NPAS3: variants seen among roughly 807,000 people sequenced by gnomAD.
NPAS3 encodes the protein neuronal PAS domain protein 3, also known as neuronal PAS domain-containing protein 3.
In NPAS3, 14 loss-of-function variants were observed where a neutral mutation model predicts 73.1. That is an observed-to-expected ratio of 0.19 (90% confidence interval 0.13 to 0.30). The LOEUF is 0.30. Among genes scored for constraint, NPAS3 ranks in the 10% least tolerant of loss-of-function variants. The pLI is 1.00. For missense variants in NPAS3, 1,096 were observed against 1,250.0 expected (o/e 0.88, Z 1.86); for synonymous variants, 620 against 541.5 (o/e 1.14, Z -2.01).
chr14:33,735,164 G>T lies in NPAS3; in HGVS notation c.734-50G>T, dbSNP rs148708760. ...TTGCACCTGAGCTGTAGCTGTGAGGGGCTGTGTCAAGATCTAAATCGTGTG... is the reference window on the plus strand; with the variant it reads ...TTGCACCTGAGCTGTAGCTGTGAGGTGCTGTGTCAAGATCTAAATCGTGTG... On this transcript the variant is annotated intron_variant, in intron 6 of 11. Transcript: ENST00000356141. 3 of 1,292,442 alleles carry T rather than the reference G, an allele frequency of 2.3e-6. No individual in the cohort carries two copies. The Admixed American group carries it at 5.0e-5, about 22-fold the overall frequency. The allele number at this position is 1,292,442 out of a possible 1,614,324, so 80.1% of individuals were successfully genotyped here. A position where few individuals can be genotyped will look rare whatever the true frequency, so the allele number is the denominator to read the frequency against.
At chr14:33,443,206 G>A (rs916808497) in intron 4 of NPAS3, among the ~76,000 whole-genome samples, 2 of 150,756 alleles carry the variant, frequency 1.3e-5, no homozygotes, top group African/African-American at 2.4e-5. Flanking sequence ...CAAGTCTATC[G>A]AATATGCTGC....
intron 3 of NPAS3, among the ~76,000 whole-genome samples, chr14:33,366,725 G>C (rs1229500875): frequency 6.6e-6 from 1 of 152,116 alleles, no homozygotes; most frequent in Non-Finnish European, 1.5e-5. Flanking sequence ...TATTGCATTA[G>C]AAAATACAAA....
At chr14:33,423,201 A>G (rs1055369311) in intron 4 of NPAS3, among the ~76,000 whole-genome samples, 3 of 152,144 alleles carry the variant, frequency 2.0e-5, no homozygotes, top group African/African-American at 7.2e-5. Flanking sequence ...TTTCACACCT[A>G]TGTAGCCAGA....
chr14:33,433,938 C>T (rs2048878518), intron 4 of NPAS3, among the ~76,000 whole-genome samples: 1 of 152,168 alleles, frequency 6.6e-6, no homozygotes, highest in Non-Finnish European at 1.5e-5. Context: ...CGCCTGTAAT[C>T]CCAACACTTT....
At chr14:33,691,657 C>G (rs2060238873) in intron 6 of NPAS3, among the ~76,000 whole-genome samples, 1 of 152,206 alleles carries the variant, frequency 6.6e-6, no homozygotes, top group Non-Finnish European at 1.5e-5. Flanking sequence ...CAGGTGCCCA[C>G]TTTAATTTCA....
intron 2 of NPAS3, among the ~76,000 whole-genome samples, chr14:33,119,038 A>AT (rs972528208): frequency 3.3e-5 from 5 of 151,662 alleles, no homozygotes; most frequent in East Asian, 1.9e-4. Context: ...CAAAAAGAAC[A>AT]TTTTTTTTCC....
At chr14:33,664,754 A>G (rs1374647570) in intron 5 of NPAS3, among the ~76,000 whole-genome samples, 3 of 152,264 alleles carry the variant, frequency 2.0e-5, no homozygotes, top group Non-Finnish European at 2.9e-5. Flanking sequence ...AAACATATGA[A>G]AAAAGGCTCA....
intron 2 of NPAS3, among the ~76,000 whole-genome samples, chr14:33,195,679 T>A (rs923961207): frequency 6.6e-6 from 1 of 152,234 alleles, no homozygotes; most frequent in African/African-American, 2.4e-5. Flanking sequence ...AGTAACTGTT[T>A]TGTGCTCTGC....
At chr14:33,602,675 G>C (rs2057437058) in intron 5 of NPAS3, among the ~76,000 whole-genome samples, 1 of 152,094 alleles carries the variant, frequency 6.6e-6, no homozygotes, top group Non-Finnish European at 1.5e-5. Flanking sequence ...TGTTGGTGGT[G>C]GTGGTGGTTT....
rs559332562 is a variant in NPAS3, at chr14:33,219,754, T to C, written c.385+4328T>C. On this transcript the variant is annotated intron_variant, in intron 3 of 11. Transcript: ENST00000356141. ...ATTTATTTTAAATCATCGTGTAGTG[T>C]AACTGAGTACAGGTCGTACTCAGAG... 1.2e-4 allele frequency among the ~76,000 whole-genome samples: 19 copies of C among 152,286 alleles called. 1 individual carries two copies. In the East Asian group the frequency reaches 3.5e-3, roughly 28 times the overall value.
chr14:33,196,713 A>G (rs78154248), intron 2 of NPAS3, among the ~76,000 whole-genome samples: 2,229 of 152,346 alleles, frequency 0.015, 28 homozygotes, highest in Non-Finnish European at 0.022. Context: ...TCAAGAGCTC[A>G]TTTGTAGTGT....
At chr14:33,158,544 C>A (rs1224699999) in intron 2 of NPAS3, among the ~76,000 whole-genome samples, 3 of 151,984 alleles carry the variant, frequency 2.0e-5, no homozygotes, top group African/African-American at 7.2e-5. Flanking sequence ...TATTAAAAAA[C>A]AAAAGGGAAC....
intron 2 of NPAS3, among the ~76,000 whole-genome samples, chr14:33,138,823 T>A (rs1024824872): frequency 6.6e-6 from 1 of 152,202 alleles, no homozygotes; most frequent in Non-Finnish European, 1.5e-5. Flanking sequence ...GTTATATACT[T>A]GACATGCAAT....
intron 2 of NPAS3, among the ~76,000 whole-genome samples, chr14:33,130,874 G>A (rs1206807752): frequency 6.6e-6 from 1 of 152,136 alleles, no homozygotes; most frequent in Non-Finnish European, 1.5e-5. Context: ...CTATAGAAGT[G>A]TGCATGATGA....
intron 5 of NPAS3, among the ~76,000 whole-genome samples, chr14:33,652,639 T>A (rs1055731051): frequency 2.0e-5 from 3 of 152,210 alleles, no homozygotes; most frequent in African/African-American, 7.2e-5. Flanking sequence ...GATGAGGGAC[T>A]TTTCCTTGGC....
At chr14:33,112,594 A>C (rs1158092167) in intron 2 of NPAS3, among the ~76,000 whole-genome samples, 3 of 152,022 alleles carry the variant, frequency 2.0e-5, no homozygotes, top group African/African-American at 7.3e-5. Context: ...AGATTGCAAA[A>C]ATTTTCTCCC....
chr14:33,453,639 GGTAGCTT>G (rs1159050055), intron 4 of NPAS3, among the ~76,000 whole-genome samples: 1 of 152,154 alleles, frequency 6.6e-6, no homozygotes, highest in Non-Finnish European at 1.5e-5. Context: ...CCAGCATTCT[GGTAGCTT>G]GAAGTCCTTT....
intron 1 of NPAS3, among the ~76,000 whole-genome samples, chr14:33,007,329 C>T (rs2039034799): frequency 6.6e-6 from 1 of 152,102 alleles, no homozygotes; most frequent in Non-Finnish European, 1.5e-5. Flanking sequence ...TGTTCCATAT[C>T]TCAAATATTA....
chr14:33,766,547 A>G (rs997398164), intron 7 of NPAS3, among the ~76,000 whole-genome samples: 11 of 152,102 alleles, frequency 7.2e-5, no homozygotes, highest in Non-Finnish European at 1.6e-4. Context: ...CTGCTCTCTT[A>G]TCCATCACCA....
Sources: allele counts gnomAD v4.1 joint callset (sites outside exome capture counted in the v4.1 genomes callset), GRCh38; gene constraint gnomAD v4.1.1; transcripts MANE v1.5; gene names NCBI Gene and HGNC (gene_info 2026-07-23, HGNC 2026-07-21).